The following LRRC7 variants were observed in gnomAD, a reference collection of about 807,000 sequenced individuals.
LRRC7 encodes the protein leucine rich repeat containing 7.
A neutral mutation model predicts 175.7 loss-of-function variants in LRRC7; 23 were observed. That is an observed-to-expected ratio of 0.13 (90% CI 0.09 to 0.19). The LOEUF is 0.19. Among genes scored for constraint, LRRC7 ranks in the 10% least tolerant of loss-of-function variants. The pLI, the probability that LRRC7 is intolerant of heterozygous loss-of-function variation, is 1.00. For synonymous variants in LRRC7, 685 were observed against 680.9 expected (o/e 1.01, Z -0.09); for missense variants, 1,354 against 1,904.7 (o/e 0.71, Z 5.38).
Position 69,952,208 on chromosome 1 carries a change from A to G in LRRC7, c.711+20638A>G, listed in dbSNP as rs536773062. The stretch of plus-strand genomic sequence containing the variant: ...CTGAACAATTGAACCAAACTACTAG[A>G]TCTAATTTAACTTCCACAAAATCAA... On this transcript the variant is annotated intron_variant, in intron 8 of 26. Coordinates refer to ENST00000651989, the MANE Select transcript of LRRC7 (RefSeq NM_001370785.2). 1.1e-4 allele frequency among the ~76,000 whole-genome samples: 16 copies of G among 152,194 alleles called. No individual in the cohort carries two copies. The South Asian group carries it at 1.4e-3, about 14-fold the overall frequency.
At chr1:69,803,101 C>G (rs987019364) in intron 4 of LRRC7, among the ~76,000 whole-genome samples, 1 of 151,354 alleles carries the variant, frequency 6.6e-6, no homozygotes, top group Non-Finnish European at 1.5e-5. Context: ...ACTATTCATC[C>G]TGCTCCATTG....
At chr1:69,606,323 GA>G (rs1217798036) in intron 1 of LRRC7, among the ~76,000 whole-genome samples, 1 of 152,040 alleles carries the variant, frequency 6.6e-6, no homozygotes, top group Non-Finnish European at 1.5e-5. Flanking sequence ...TTTTGTCTGA[GA>G]AATATAACAA....
rs1666414286 is a variant in LRRC7 at position 70,125,683 on chromosome 1, T to G, written c.*3796T>G. On this transcript the variant is annotated 3_prime_UTR_variant, in exon 27 of 27. Coordinates refer to ENST00000651989, the MANE Select transcript of LRRC7 (RefSeq NM_001370785.2). ...GGCGGGCGCCTGTAGTCCCAGCTAC[T>G]TGGGAGGCTGAGGCAGGAGAATGGC... 6.8e-6 allele frequency among the ~76,000 whole-genome samples: 1 copy of G among 146,974 alleles called. No homozygotes were observed. The highest frequency in any genetic ancestry group is 1.5e-5 in the Non-Finnish European group (1 of 66,430).
chr1:69,823,150 A>G, intron 4 of LRRC7, among the ~76,000 whole-genome samples: 1 of 152,164 alleles, frequency 6.6e-6, no homozygotes. Flanking sequence ...TCCTTGAATG[A>G]GTGAGCTTTT....
intron 2 of LRRC7, among the ~76,000 whole-genome samples, chr1:69,746,626 T>C (rs995843932): frequency 3.9e-5 from 6 of 152,094 alleles, no homozygotes; most frequent in Admixed American, 3.3e-4. Context: ...ACGTATTGTA[T>C]GTCTGCCATG....
chr1:70,117,465 C>A (rs1470498226), intron 26 of LRRC7, among the ~76,000 whole-genome samples: 2 of 152,144 alleles, frequency 1.3e-5, no homozygotes, highest in African/African-American at 4.8e-5. Flanking sequence ...CAAAGCTCTA[C>A]TTTTTGTTGG....
intron 1 of LRRC7, among the ~76,000 whole-genome samples, chr1:69,604,448 G>A (rs141507091): frequency 7.9e-5 from 12 of 152,272 alleles, no homozygotes; most frequent in African/African-American, 2.9e-4. Context: ...TGATTGGTGA[G>A]AGGCAGATGA....
intron 21 of LRRC7, among the ~76,000 whole-genome samples, chr1:70,043,516 T>G (rs900698231): frequency 2.0e-5 from 3 of 152,126 alleles, no homozygotes; most frequent in Non-Finnish European, 4.4e-5. Flanking sequence ...AAGACAAAAT[T>G]AGAAACTAAT....
At chr1:69,783,438 G>A (rs1217416173) in intron 3 of LRRC7, among the ~76,000 whole-genome samples, 1 of 152,106 alleles carries the variant, frequency 6.6e-6, no homozygotes, top group Non-Finnish European at 1.5e-5. Context: ...TTGCAAACCA[G>A]TGGAGAAATA....
At chr1:70,078,479 A>G (rs1308721496) in intron 24 of LRRC7, among the ~76,000 whole-genome samples, 1 of 152,184 alleles carries the variant, frequency 6.6e-6, no homozygotes, top group Admixed American at 6.5e-5. Flanking sequence ...GGCACTCTCC[A>G]AACCCCAACC....
intron 4 of LRRC7, among the ~76,000 whole-genome samples, chr1:69,818,543 T>C (rs1014412738): frequency 2.0e-5 from 3 of 152,134 alleles, no homozygotes; most frequent in Non-Finnish European, 2.9e-5. Context: ...TTTGCACATA[T>C]GTTCATCAGG....
chr1:69,907,069 C>G (rs113869772), intron 7 of LRRC7, among the ~76,000 whole-genome samples: 30 of 151,308 alleles, frequency 2.0e-4, no homozygotes, highest in Middle Eastern at 3.4e-3. Context: ...TTTGTCTGTT[C>G]TTGGTGTATA....
intron 3 of LRRC7, among the ~76,000 whole-genome samples, chr1:69,779,033 C>T (rs561859073): frequency 1.6e-3 from 239 of 147,516 alleles, no homozygotes; most frequent in African/African-American, 5.5e-3. Context: ...TATATATATA[C>T]ACACACACAC....
chr1:69,795,021 C>G (rs1011098136), intron 4 of LRRC7, among the ~76,000 whole-genome samples: 2 of 152,154 alleles, frequency 1.3e-5, no homozygotes, highest in African/African-American at 4.8e-5. Context: ...ATGATAGCAG[C>G]CATTGCTAGA....
chr1:70,015,234 C>T (rs1041689662), intron 13 of LRRC7, among the ~76,000 whole-genome samples: 19 of 151,848 alleles, frequency 1.3e-4, no homozygotes, highest in Non-Finnish European at 2.6e-4. Context: ...TATTTATTAG[C>T]TCAGAAAGGT....
At chr1:69,781,786 AAAG>A (rs1673677177) in intron 3 of LRRC7, among the ~76,000 whole-genome samples, 1 of 28,246 alleles carries the variant, frequency 3.5e-5, no homozygotes, top group Non-Finnish European at 6.0e-5. Context: ...AGAAAGAAAG[AAAG>A]GAAGGAAGGA....
chr1:69,831,232 A>G (rs1335183319), intron 5 of LRRC7, among the ~76,000 whole-genome samples: 1 of 152,036 alleles, frequency 6.6e-6, no homozygotes, highest in Non-Finnish European at 1.5e-5. Flanking sequence ...CATGTATCAT[A>G]TTGATCATCT....
intron 3 of LRRC7, among the ~76,000 whole-genome samples, chr1:69,785,033 G>C (rs1274832248): frequency 1.3e-5 from 2 of 152,012 alleles, no homozygotes; most frequent in Admixed American, 1.3e-4. Context: ...TAGTAATTGA[G>C]CTCAGTGTTC....
At chr1:70,058,577 G>C (rs996161606) in intron 23 of LRRC7, among the ~76,000 whole-genome samples, 1 of 152,090 alleles carries the variant, frequency 6.6e-6, no homozygotes, top group Non-Finnish European at 1.5e-5. Context: ...AGAATATTTG[G>C]TTTCATGTAT....
Sources: allele counts gnomAD v4.1 joint callset (sites outside exome capture counted in the v4.1 genomes callset), GRCh38; gene constraint gnomAD v4.1.1; transcripts MANE v1.5; gene names NCBI Gene and HGNC (gene_info 2026-07-23, HGNC 2026-07-21).